Variants in CENATAC observed in about 807,000 individuals in gnomAD.
The protein encoded by CENATAC is coiled-coil domain containing 84.
A neutral mutation model predicts 53.7 loss-of-function variants in CENATAC; 53 were observed. The ratio of observed to expected loss-of-function variants is 0.99; its 90% CI spans 0.79 to 1.24. The LOEUF (loss-of-function observed/expected upper bound fraction) is 1.24, where lower values mean the gene tolerates loss of function less well. CENATAC is among the 50% of genes most tolerant of loss of function. CENATAC has a pLI of 0.00. For missense variants in CENATAC, 474 were observed against 417.8 expected (o/e 1.13, Z -1.17); for synonymous variants, 156 against 144.6 (o/e 1.08, Z -0.57).
chr11:119,004,328 A>G (rs781858936), intron 3 of CENATAC, among the ~76,000 whole-genome samples: 8 of 151,912 alleles, frequency 5.3e-5, no homozygotes, highest in Non-Finnish European at 1.0e-4. Flanking sequence ...GCTTACTGCA[A>G]CCTCCGCCTC....
intron 7 of CENATAC, 167 bp from the exon 8 acceptor site, chr11:119,013,065 C>T: frequency 1.7e-6 from 1 of 577,466 alleles, no homozygotes; most frequent in South Asian, 2.3e-5. Flanking sequence ...CTTAGAGTGA[C>T]TTACTGTGCT....
intron 3 of CENATAC, chr11:119,009,708 G>A (rs1368079302): frequency 6.6e-6 from 1 of 152,194 alleles, no homozygotes; most frequent in African/African-American, 2.4e-5. Context: ...AAGGCTCTCA[G>A]GGAACACTGT....
At chr11:119,015,477 C>G (rs1943120702) in intron 10 of CENATAC, 38 bp downstream of exon 10, 1 of 1,613,858 alleles carries the variant, frequency 6.2e-7, no homozygotes. Flanking sequence ...ACCTACCCAT[C>G]CAACCTCCTT....
chr11:119,012,502 A>T (rs1942916608), intron 7 of CENATAC: 4 of 399,368 alleles, frequency 1.0e-5, no homozygotes, highest in African/African-American at 8.0e-5. Context: ...GTTCCAACTC[A>T]ACACAGGACA....
At chr11:119,004,310 C>T (rs1942467574) in intron 3 of CENATAC, among the ~76,000 whole-genome samples, 2 of 151,728 alleles carry the variant, frequency 1.3e-5, no homozygotes, top group South Asian at 2.1e-4. Flanking sequence ...TGCAGTGGCA[C>T]GATCTCAGCT....
intron 8 of CENATAC, among the ~76,000 whole-genome samples, chr11:119,013,524 C>T (rs1300590422): frequency 6.8e-6 from 1 of 146,996 alleles, no homozygotes; most frequent in African/African-American, 2.5e-5. Flanking sequence ...AGTGCAGTGG[C>T]GGGATCTCGG....
At position 119,015,035 on chromosome 11, in the gene CENATAC, G is replaced by T; in HGVS notation, c.757G>T (p.Ala253Ser). Residue 253 changes from alanine (A) to serine (S), a missense_variant, in exon 9 of 11, where the codon GCT (alanine) becomes TCT (serine). Ala to Ser is a moderately conservative substitution (Grantham distance 99, BLOSUM62 1). Transcript: ENST00000334418. ...GATGATCCAAGATGAAGAATACATT[G>T]CTGGGAACCAAGAAATAGGACCATC... is the stretch of plus-strand genomic sequence containing the variant. The part of the protein sequence containing the change: ...PWMIQDEEYI[A>S]GNQEIGPSYE... The T allele has an allele frequency of 6.2e-7, 1 of 1,610,484 alleles. No individual in the cohort carries two copies. Among genetic ancestry groups the T allele is most frequent in the Non-Finnish European group, 8.5e-7 (1 of 1,179,056 alleles).
rs781850389 is a variant in CENATAC, at chr11:119,000,246, G to C, written c.383+1137G>C. Among the ~76,000 whole-genome samples the C allele has an allele frequency of 7.2e-5, 11 of 151,974 alleles. 1 individual carries two copies. Among genetic ancestry groups the C allele is most frequent in the Non-Finnish European group, 1.2e-4 (8 of 68,020 alleles). On this transcript the variant is annotated intron_variant, in intron 3 of 10. Coordinates refer to ENST00000334418, the MANE Select transcript of CENATAC (RefSeq NM_198489.3). ...GCTTTAGATCCTTCACCTTCCTTTC[G>C]CTTTAAGTTGTCATGTAATGATTTT...
In CENATAC at chr11:118,998,311, G is replaced by T; in HGVS notation, c.114G>T (p.Leu38=). The part of the protein sequence containing the change: ...RQLKEALERL[L]PQVEAARKAI... ...TGAAGGAGGCTTTGGAGAGGCTCCT[G>T]CCCCAGGTGCGGAGGCAAGGCTAGA... The change falls in exon 1 of 11, where the codon CTG becomes CTT. Residue 38 remains leucine, a synonymous_variant. Coordinates refer to ENST00000334418, the MANE Select transcript of CENATAC (RefSeq NM_198489.3). 6.2e-7 allele frequency: 1 copy of T among 1,609,150 alleles called. No homozygotes were observed. Among genetic ancestry groups the T allele is most frequent in the Non-Finnish European group, 8.5e-7 (1 of 1,177,906 alleles).
chr11:119,010,487 G>C (rs1198488577), intron 3 of CENATAC: 1 of 454,412 alleles, frequency 2.2e-6, no homozygotes, highest in Non-Finnish European at 3.9e-6. Context: ...TGGTTGTATA[G>C]AATGTTCCTC....
chr11:118,998,852 A>T (rs1249481309), intron 2 of CENATAC, among the ~76,000 whole-genome samples, 159 bp from the exon 3 acceptor site: 1 of 152,186 alleles, frequency 6.6e-6, no homozygotes, highest in Non-Finnish European at 1.5e-5. Flanking sequence ...TTATGGGAAG[A>T]AGAGACACGA....
At chr11:119,013,135 C>T (rs1300522622) in intron 7 of CENATAC, 97 bp from the exon 8 acceptor site, 4 of 890,036 alleles carry the variant, frequency 4.5e-6, no homozygotes, top group Non-Finnish European at 7.2e-6. Flanking sequence ...TCACACCCAC[C>T]TCTTTTAAAG....
At chr11:119,001,397 CTT>C in intron 3 of CENATAC, among the ~76,000 whole-genome samples, 1 of 147,324 alleles carries the variant, frequency 6.8e-6, no homozygotes, top group African/African-American at 2.5e-5. Flanking sequence ...TAAATTTTAA[CTT>C]TTTTTTTTTG....
chr11:119,002,682 T>G (rs781905142), intron 3 of CENATAC, among the ~76,000 whole-genome samples: 2 of 2,408 alleles, frequency 8.3e-4, no homozygotes, highest in Admixed American at 5.2e-3. Flanking sequence ...AAGCTGTTGG[T>G]TTTTTTTTTT....
At chr11:119,015,260 T>C (rs1421107084) in intron 9 of CENATAC, 47 bp from the exon 10 acceptor site, 1 of 1,558,056 alleles carries the variant, frequency 6.4e-7, no homozygotes, top group African/African-American at 1.4e-5. Flanking sequence ...ACCCCATCTC[T>C]ATATTCTTCA....
chr11:119,015,312 A>C lies in CENATAC; in HGVS notation c.811A>C (p.Lys271Gln). Residue 271 changes from lysine to glutamine, a missense_variant, in exon 10 of 11, where the codon AAA (lysine) becomes CAA (glutamine). By Grantham distance (53) the Lys-to-Gln change is moderately conservative. Transcript: ENST00000334418. ...GTTTCCCTATCATTGTACAGAGGAA[A>C]AACAGAAGTTGAAAAAACTCCCCCC... ...SYEEFLKEKEKQKLKKLPPDR... is the reference protein window; with the variant it reads ...SYEEFLKEKEQQKLKKLPPDR... The C allele has an allele frequency of 6.2e-7, 1 of 1,611,182 alleles. No individual in the cohort carries two copies.
intron 9 of CENATAC, 27 bp downstream of exon 9, chr11:119,015,110 C>A: frequency 1.3e-6 from 2 of 1,555,960 alleles, no homozygotes; most frequent in South Asian, 1.1e-5. Context: ...AAGAGAGGAT[C>A]GTCTAAATCT....
chr11:119,013,754 T>G (rs990640763), intron 8 of CENATAC, among the ~76,000 whole-genome samples: 1 of 150,764 alleles, frequency 6.6e-6, no homozygotes, highest in Non-Finnish European at 1.5e-5. Flanking sequence ...TGAGCCACCG[T>G]GCCCGGACTT....
intron 7 of CENATAC, 144 bp from the exon 8 acceptor site, chr11:119,013,088 C>G: frequency 4.8e-6 from 3 of 619,024 alleles, no homozygotes; most frequent in South Asian, 2.1e-5. Context: ...CAAAGTTTAA[C>G]ATCAGCTGGG....
Sources: gnomAD v4.1 joint callset for allele counts (sites outside exome capture counted in the v4.1 genomes callset) on GRCh38, gnomAD v4.1.1 for gene constraint, MANE v1.5 for transcripts, NCBI Gene and HGNC (gene_info 2026-07-23, HGNC 2026-07-21) for gene names.